ZNF227: variants seen among roughly 807,000 people sequenced by gnomAD.
ZNF227 encodes the protein zinc finger protein 227.
In ZNF227, 12 loss-of-function variants were observed where a neutral mutation model predicts 13.2. That is an observed-to-expected ratio of 0.91 (90% CI 0.58 to 1.47). The LOEUF is 1.47. ZNF227 is among the 40% of genes most tolerant of loss of function. The pLI is 0.00. For missense variants in ZNF227, 885 were observed against 967.5 expected, an observed-to-expected ratio of 0.91 and a Z score of 1.13; for synonymous variants, 338 against 326.0, an observed-to-expected ratio of 1.04 and a Z score of -0.40.
chr19:44,234,046 T>C (rs1974145769), intron 5 of ZNF227, among the ~76,000 whole-genome samples: 1 of 152,014 alleles, frequency 6.6e-6, no homozygotes, highest in Admixed American at 6.6e-5. Context: ...TGGGAGGAAG[T>C]TTCCAAGCTG....
Position 44,229,751 on chromosome 19 carries a change from C to A in ZNF227, c.206C>A (p.Pro69Gln). Reference sequence around the variant, plus strand: ...TTCATAGGGCATCTTCCCTTCCAACCAGATATGGTATCCCAATTGGAAGCA... The same window carrying A: ...TTCATAGGGCATCTTCCCTTCCAACAAGATATGGTATCCCAATTGGAAGCA... ...LVAVGHLPFQ[P>Q]DMVSQLEAEE... is the part of the protein sequence containing the mutation. The change falls in exon 5 of 6, where the codon CCA (proline) becomes CAA (glutamine). Residue 69 changes from proline to glutamine, a missense_variant. Physicochemically the swap from Pro to Gln is moderately conservative, Grantham distance 76. Coordinates refer to ENST00000313040, the MANE Select transcript of ZNF227 (RefSeq NM_182490.3). 1 of 1,583,662 alleles carries A rather than the reference C, an allele frequency of 6.3e-7. No homozygotes were observed. Among genetic ancestry groups the A allele is most frequent in the Non-Finnish European group, 8.6e-7 (1 of 1,160,704 alleles).
At position 44,234,856 on chromosome 19, in the gene ZNF227, C is replaced by T; in HGVS notation, c.426C>T (p.Asp142=). Residue 142 remains aspartate, a synonymous_variant, in exon 6 of 6, where the codon GAC becomes GAT. Coordinates refer to ENST00000313040, the MANE Select transcript of ZNF227 (RefSeq NM_182490.3). ...QGKSSQLLQG[D]SIQVSENENN... ...AGAGTTCCCAGTTATTACAAGGTGA[C>T]TCTATTCAGGTTTCTGAAAATGAGA... 1 of 1,613,986 alleles carries T rather than the reference C, an allele frequency of 6.2e-7. No individual in the cohort carries two copies. Among genetic ancestry groups the T allele is most frequent in the African/African-American group, 1.3e-5 (1 of 75,024 alleles).
chr19:44,232,644 A>G (rs1410148585), intron 5 of ZNF227, among the ~76,000 whole-genome samples: 1 of 151,532 alleles, frequency 6.6e-6, no homozygotes, highest in Non-Finnish European at 1.5e-5. Context: ...CTTTCATTTA[A>G]TCATATCTAT....
upstream of ZNF227, among the ~76,000 whole-genome samples, chr19:44,211,662 A>G (rs773602091): frequency 1.8e-4 from 27 of 152,208 alleles, no homozygotes; most frequent in Non-Finnish European, 1.6e-4. Context: ...TCTGAATTAT[A>G]TGACTGTGCT....
At chr19:44,217,708 T>C in intron 2 of ZNF227, 83 bp from the exon 3 acceptor site, 1 of 1,426,344 alleles carries the variant, frequency 7.0e-7, no homozygotes, top group Non-Finnish European at 9.9e-7. Context: ...TGTCTGAATG[T>C]AGGGCTATTT....
chr19:44,217,889 A>T, intron 3 of ZNF227, 37 bp downstream of exon 3: 1 of 1,605,494 alleles, frequency 6.2e-7, no homozygotes. Context: ...TTAAAATGTG[A>T]TTTATTTCTC....
chr19:44,225,078 G>T (rs1036969644), intron 3 of ZNF227, among the ~76,000 whole-genome samples: 19 of 152,138 alleles, frequency 1.2e-4, no homozygotes, highest in African/African-American at 4.3e-4. Flanking sequence ...TTTTCTTTAA[G>T]AATGTTGAAT....
At chr19:44,232,153 G>T (rs1025170585) in intron 5 of ZNF227, among the ~76,000 whole-genome samples, 1 of 152,202 alleles carries the variant, frequency 6.6e-6, no homozygotes, top group Non-Finnish European at 1.5e-5. Flanking sequence ...ATTAGGCAAA[G>T]AAAATTCCAG....
upstream of ZNF227, among the ~76,000 whole-genome samples, chr19:44,208,049 T>G (rs190784943): frequency 1.7e-3 from 266 of 152,254 alleles, 1 homozygote; most frequent in African/African-American, 6.1e-3. Flanking sequence ...ATAATAGACC[T>G]CTCCACACAA....
chr19:44,226,196 G>T (rs1973131029), intron 3 of ZNF227, among the ~76,000 whole-genome samples: 1 of 152,228 alleles, frequency 6.6e-6, no homozygotes, highest in African/African-American at 2.4e-5. Context: ...CCCCTACTGG[G>T]GGGGTGTCTC....
At chr19:44,215,266 A>G (rs1410089776) in intron 2 of ZNF227, among the ~76,000 whole-genome samples, 1 of 150,136 alleles carries the variant, frequency 6.7e-6, no homozygotes, top group Non-Finnish European at 1.5e-5. Flanking sequence ...TCCCGGGTTC[A>G]AGCGATTCTC....
In ZNF227 at chr19:44,236,174, G is replaced by C; in HGVS notation, c.1744G>C (p.Gly582Arg). ...GEKPYKCEEC[G>R]KGFSWRSNLH... ...AAAACCATATAAATGTGAGGAATGT[G>C]GGAAGGGCTTCAGTTGGAGATCAAA... The change falls in exon 6 of 6, where the codon GGG (glycine) becomes CGG (arginine). Residue 582 changes from glycine to arginine, a missense_variant. Physicochemically the swap from Gly to Arg is moderately radical, Grantham distance 125. Transcript: ENST00000313040. 6.2e-7 allele frequency: 1 copy of C among 1,614,220 alleles called. No homozygotes were observed. Among genetic ancestry groups the C allele is most frequent in the Non-Finnish European group, 8.5e-7 (1 of 1,180,042 alleles).
intron 5 of ZNF227, among the ~76,000 whole-genome samples, chr19:44,233,126 A>C (rs1179674080): frequency 6.6e-6 from 1 of 152,088 alleles, no homozygotes; most frequent in Admixed American, 6.5e-5. Context: ...TATTATTAGA[A>C]TGTAACATTT....
chr19:44,222,580 A>G lies in ZNF227; in HGVS notation c.60+4728A>G, dbSNP rs1404241778. Among the ~76,000 whole-genome samples, 561 of 151,826 alleles carry G rather than the reference A, an allele frequency of 3.7e-3. 1 individual carries two copies. Among genetic ancestry groups the G allele is most frequent in the African/African-American group, 0.013 (543 of 41,312 alleles). On this transcript the variant is annotated intron_variant, in intron 3 of 5. Transcript: ENST00000313040. ...CTCTCTGTTTGTCTGTTATTGGTGT[A>G]TAAGAATGCTTGTGATTTTTGTACA...
intron 3 of ZNF227, among the ~76,000 whole-genome samples, chr19:44,218,742 C>G (rs1444257018): frequency 1.3e-5 from 2 of 152,128 alleles, no homozygotes; most frequent in African/African-American, 4.8e-5. Flanking sequence ...TATAACTGCC[C>G]CAAATTTCCC....
chr19:44,235,171 G>T lies in ZNF227; in HGVS notation c.741G>T (p.Glu247Asp). Residue 247 changes from glutamate to aspartate, a missense_variant, in exon 6 of 6, where the codon GAG becomes GAT. Glu to Asp is a conservative substitution (Grantham distance 45). Transcript: ENST00000313040. ...CCAATCAGAAATTACCCTTAGGAGAGAAACCCCATCCATGTGGTGAGTGTG... is the reference window on the plus strand; with the variant it reads ...CCAATCAGAAATTACCCTTAGGAGATAAACCCCATCCATGTGGTGAGTGTG... ...DGSNQKLPLG[E>D]KPHPCGECGR... 1 of 1,614,142 alleles carries T rather than the reference G, an allele frequency of 6.2e-7. No homozygotes were observed. The highest frequency in any genetic ancestry group is 1.1e-5 in the South Asian group (1 of 91,076).
upstream of ZNF227, among the ~76,000 whole-genome samples, chr19:44,211,073 C>G (rs1223555314): frequency 6.6e-6 from 1 of 151,952 alleles, no homozygotes; most frequent in Non-Finnish European, 1.5e-5. Context: ...GAGGGGGGTG[C>G]CTATAACCCC....
chr19:44,236,355 G>A lies in ZNF227; in HGVS notation c.1925G>A (p.Ser642Asn). ...YKCGVCGKGFSQSSGLQSHQR... is the reference protein window; with the variant it reads ...YKCGVCGKGFNQSSGLQSHQR... ...TGTGGTGTCTGTGGTAAGGGCTTCAGTCAGTCCTCTGGTCTTCAATCCCAT... is the reference window on the plus strand; with the variant it reads ...TGTGGTGTCTGTGGTAAGGGCTTCAATCAGTCCTCTGGTCTTCAATCCCAT... Residue 642 changes from serine to asparagine, a missense_variant, in exon 6 of 6, where the codon AGT becomes AAT. Transcript: ENST00000313040. The A allele has an allele frequency of 6.2e-7, 1 of 1,614,216 alleles. No homozygotes were observed. Among genetic ancestry groups the A allele is most frequent in the Non-Finnish European group, 8.5e-7 (1 of 1,180,044 alleles).
rs1466028794 is a variant in ZNF227, at chr19:44,217,867, C to T, written c.60+15C>T. On this transcript the variant is annotated intron_variant, in intron 3 of 5. Coordinates refer to ENST00000313040, the MANE Select transcript of ZNF227 (RefSeq NM_182490.3). Reference sequence around the variant, plus strand: ...CCAAGTTTCAGGTACGTAAAGGATTCCTTGCTGTCTTTTAAAATGTGATTT... The same window carrying T: ...CCAAGTTTCAGGTACGTAAAGGATTTCTTGCTGTCTTTTAAAATGTGATTT... 1.2e-6 allele frequency: 2 copies of T among 1,612,878 alleles called. No individual in the cohort carries two copies. Among genetic ancestry groups the T allele is most frequent in the East Asian group, 2.2e-5 (1 of 44,864 alleles).
Sources: allele counts gnomAD v4.1 joint callset (sites outside exome capture counted in the v4.1 genomes callset), GRCh38; gene constraint gnomAD v4.1.1; transcripts MANE v1.5; gene names NCBI Gene and HGNC (gene_info 2026-07-23, HGNC 2026-07-21).